The following MMEL1 variants were observed in gnomAD, a reference collection of about 807,000 sequenced individuals.
MMEL1 encodes membrane metallo-endopeptidase-like 1.
In MMEL1, 98 loss-of-function variants were observed where a neutral mutation model predicts 117.1. The ratio of observed to expected loss-of-function variants is 0.84; its 90% CI spans 0.71 to 0.99. The LOEUF is 0.99. MMEL1 is among the 50% of genes least tolerant of loss of function. The probability of loss-of-function intolerance (pLI) is 0.00; values close to 1 mark genes in which losing one functional copy is unlikely to be tolerated. For synonymous variants in MMEL1, 390 were observed against 415.1 expected, an observed-to-expected ratio of 0.94 and a Z score of 0.74; for missense variants, 1,014 against 1,049.1, an observed-to-expected ratio of 0.97 and a Z score of 0.46.
At position 2,612,533 on chromosome 1, in the gene MMEL1, C is replaced by T. The variant is rs758128837; in HGVS notation, c.155-329G>A. ...TCCTGAGGTGAGACCTTCCTCTTCC[C>T]GACAGCCTCCTCTACCTCAGGATCT... On this transcript the variant is annotated intron_variant, in intron 2 of 23. Coordinates refer to ENST00000378412, the MANE Select transcript of MMEL1 (RefSeq NM_033467.4). The surrounding 1 kb of genome is among the most constrained non-coding windows in gnomAD (Gnocchi z 5.4). Among the ~76,000 whole-genome samples the T allele has an allele frequency of 7.2e-5, 11 of 152,288 alleles. No individual in the cohort carries two copies. Among genetic ancestry groups the T allele is most frequent in the East Asian group, 1.9e-4 (1 of 5,184 alleles).
intron 4 of MMEL1, among the ~76,000 whole-genome samples, chr1:2,610,212 T>C (rs1645104108): frequency 6.6e-6 from 1 of 152,088 alleles, no homozygotes; most frequent in Non-Finnish European, 1.5e-5. Flanking sequence ...GAATGCCTTT[T>C]TAAAAAATTT....
In MMEL1 at chr1:2,612,379, C is replaced by G. The variant is rs1035888771; in HGVS notation, c.155-175G>C. Among the ~76,000 whole-genome samples the G allele has an allele frequency of 9.9e-5, 15 of 152,258 alleles. No individual in the cohort carries two copies. The East Asian group carries it at 2.9e-3, about 29-fold the overall frequency. On this transcript the variant is annotated intron_variant, in intron 2 of 23. Coordinates refer to ENST00000378412, the MANE Select transcript of MMEL1 (RefSeq NM_033467.4). This position sits in a 1 kb window ranked among gnomAD's most constrained non-coding sequence, Gnocchi z 5.4. ...GACAGGAGATCCACAGAGTTCACTGCAGGGGCCAGCTTCAATCTGTGTCCT... is the reference window on the plus strand; with the variant it reads ...GACAGGAGATCCACAGAGTTCACTGGAGGGGCCAGCTTCAATCTGTGTCCT...
chr1:2,609,918 C>G lies in MMEL1; in HGVS notation c.293-87G>C, dbSNP rs911109789. 9.7e-6 allele frequency: 14 copies of G among 1,437,664 alleles called. No homozygotes were observed. The Admixed American group carries it at 3.1e-4, about 32-fold the overall frequency. The allele number at this position is 1,437,664 out of a possible 1,614,324, so 89.1% of individuals were successfully genotyped here. On this transcript the variant is annotated intron_variant, in intron 4 of 23. Transcript: ENST00000378412. ...GAAGCCTGTCTCCCGGTCCAAGACA[C>G]AGCCTGGTCCCTTGGGAAGGGGCTG...
chr1:2,591,676 G>GGGGGGGGC, intron 22 of MMEL1, 43 bp from the exon 23 acceptor site: 1 of 1,464,320 alleles, frequency 6.8e-7, no homozygotes. Flanking sequence ...GCGTGGTGGG[G>GGGGGGGGC]TGGCCAGGAG....
intron 2 of MMEL1, among the ~76,000 whole-genome samples, chr1:2,625,958 A>T (rs913294374): frequency 1.3e-5 from 2 of 152,130 alleles, no homozygotes; most frequent in Non-Finnish European, 2.9e-5. Flanking sequence ...CTAGGGCCTG[A>T]TTCACAGATG....
rs181410891 is a variant in MMEL1, at chr1:2,595,817, C to T, written c.1500+192G>A. Among the ~76,000 whole-genome samples the T allele has an allele frequency of 2.6e-3, 381 of 148,160 alleles. 2 individuals carry two copies. Among genetic ancestry groups the T allele is most frequent in the Non-Finnish European group, 2.9e-3 (194 of 67,146 alleles). ...CACAGTGGGCGAGTGGTCCTGTCTGCGCCTCCCGGGGCTGCCTTCTCCCCG... is the reference window on the plus strand; with the variant it reads ...CACAGTGGGCGAGTGGTCCTGTCTGTGCCTCCCGGGGCTGCCTTCTCCCCG... On this transcript the variant is annotated intron_variant, in intron 15 of 23. Coordinates refer to ENST00000378412, the MANE Select transcript of MMEL1 (RefSeq NM_033467.4). The surrounding 1 kb of genome is among the most constrained non-coding windows in gnomAD (Gnocchi z 4.8).
Position 2,590,717 on chromosome 1 carries a change from C to A in MMEL1, c.*273G>T. 2.6e-6 allele frequency: 1 copy of A among 384,090 alleles called. No homozygotes were observed. Among genetic ancestry groups the A allele is most frequent in the African/African-American group, 2.1e-5 (1 of 48,446 alleles). 23.8% of individuals were successfully genotyped at this position (384,090 alleles called of 1,614,324 possible). On this transcript the variant is annotated 3_prime_UTR_variant, in exon 24 of 24. Coordinates refer to ENST00000378412, the MANE Select transcript of MMEL1 (RefSeq NM_033467.4). ...AATGCACCTTGGAGGGTGGGCAGGA[C>A]ACAGTTGATTGTCTCTACAGAGCTG...
At chr1:2,602,049 C>T (rs1356979735) in intron 11 of MMEL1, among the ~76,000 whole-genome samples, 3 of 71,908 alleles carry the variant, frequency 4.2e-5, no homozygotes, top group African/African-American at 2.3e-4. Flanking sequence ...CACACACAGG[C>T]ATGGGCATGA....
At chr1:2,627,794 C>T (rs1217714795) in intron 2 of MMEL1, among the ~76,000 whole-genome samples, 1 of 152,114 alleles carries the variant, frequency 6.6e-6, no homozygotes, top group Non-Finnish European at 1.5e-5. Flanking sequence ...GGACTGAGGC[C>T]AAGGTCAGCT....
At chr1:2,604,392 G>A in intron 9 of MMEL1, 111 bp from the exon 10 acceptor site, 1 of 1,436,294 alleles carries the variant, frequency 7.0e-7, no homozygotes, top group Non-Finnish European at 9.5e-7. Context: ...CCTAATGCGT[G>A]TCCACCCACC....
At chr1:2,610,588 A>C (rs1434565287) in intron 4 of MMEL1, among the ~76,000 whole-genome samples, 1 of 152,062 alleles carries the variant, frequency 6.6e-6, no homozygotes, top group Non-Finnish European at 1.5e-5. Context: ...CCCCAGAGGG[A>C]GGGACGACTC....
intron 9 of MMEL1, 109 bp from the exon 10 acceptor site, chr1:2,604,390 G>T: frequency 6.9e-7 from 1 of 1,439,992 alleles, no homozygotes; most frequent in Non-Finnish European, 9.5e-7. Flanking sequence ...CCCCTAATGC[G>T]TGTCCACCCA....
rs772803345 is a variant in MMEL1, at chr1:2,594,371, G to A, written c.1747+14C>T. ...CCAAAGGGCCTGGGCAGGCAGGGAG[G>A]GGGAGGAACTTACCAATCTGGTTTC... On this transcript the variant is annotated intron_variant, in intron 18 of 23. Coordinates refer to ENST00000378412, the MANE Select transcript of MMEL1 (RefSeq NM_033467.4). 1.3e-6 allele frequency: 2 copies of A among 1,551,650 alleles called. No homozygotes were observed. The highest frequency in any genetic ancestry group is 2.0e-5 in the Admixed American group (1 of 50,984).
At chr1:2,594,519 C>CA (rs1644799879) in intron 17 of MMEL1, 76 bp from the exon 18 acceptor site, 1 of 1,480,576 alleles carries the variant, frequency 6.8e-7, no homozygotes, top group African/African-American at 1.4e-5. Context: ...CCTTGATGGA[C>CA]CAGGGCCTAC....
chr1:2,605,117 C>T (rs556298944), intron 9 of MMEL1, among the ~76,000 whole-genome samples: 1 of 152,224 alleles, frequency 6.6e-6, no homozygotes, highest in East Asian at 1.9e-4. Flanking sequence ...CCTGGGCTAG[C>T]CCTGGGCCTG....
intron 11 of MMEL1, among the ~76,000 whole-genome samples, chr1:2,602,580 C>A (rs1416473406): frequency 6.6e-6 from 1 of 152,224 alleles, no homozygotes; most frequent in Non-Finnish European, 1.5e-5. Context: ...GGCTTCTCTG[C>A]CACCTGCCCC....
At chr1:2,603,273 C>T (rs367805784) in intron 11 of MMEL1, among the ~76,000 whole-genome samples, 91 of 152,334 alleles carry the variant, frequency 6.0e-4, no homozygotes, top group African/African-American at 2.0e-3. Flanking sequence ...CACCCTTTGC[C>T]GAAGCTGCAC....
At chr1:2,593,120 C>T (rs568109983) in intron 19 of MMEL1, among the ~76,000 whole-genome samples, 154 bp from the exon 20 acceptor site, 16 of 152,278 alleles carry the variant, frequency 1.1e-4, no homozygotes, top group South Asian at 2.1e-4. Context: ...GGAAGAGCAT[C>T]GCGGGCTCCA....
intron 14 of MMEL1, 37 bp from the exon 15 acceptor site, chr1:2,596,144 T>C (rs765347128): frequency 1.3e-6 from 2 of 1,576,286 alleles, no homozygotes; most frequent in Non-Finnish European, 1.7e-6. Context: ...CCCAGACTCA[T>C]CTGGAGGGCG....
Sources: gnomAD v4.1 joint callset for allele counts (sites outside exome capture counted in the v4.1 genomes callset) on GRCh38, gnomAD v4.1.1 for gene constraint, Gnocchi (gnomAD v3.1) non-coding constraint, MANE v1.5 for transcripts, NCBI Gene and HGNC (gene_info 2026-07-23, HGNC 2026-07-21) for gene names.